Variants in CMSS1 observed in about 807,000 individuals in gnomAD.
CMSS1 encodes protein CMSS1.
CMSS1 carries 33 observed loss-of-function variants against 43.5 expected under a neutral mutation model. The observed-to-expected ratio is 0.76, with a 90% CI of 0.57 to 1.01. The LOEUF (loss-of-function observed/expected upper bound fraction) is 1.01. CMSS1 is among the 50% of genes least tolerant of loss of function. CMSS1 has a pLI of 0.00. For synonymous variants in CMSS1, 115 were observed against 117.2 expected (o/e 0.98, Z 0.12); for missense variants, 313 against 326.4 (o/e 0.96, Z 0.32).
At chr3:100,153,852 T>C (rs1480321703) in intron 2 of CMSS1, among the ~76,000 whole-genome samples, 1 of 151,864 alleles carries the variant, frequency 6.6e-6, no homozygotes, top group Non-Finnish European at 1.5e-5. Context: ...TTTTTTCTTT[T>C]TTTTTTCTTT....
At chr3:100,136,680 G>C (rs1239843255) in intron 1 of CMSS1, among the ~76,000 whole-genome samples, 1 of 152,198 alleles carries the variant, frequency 6.6e-6, no homozygotes, top group Non-Finnish European at 1.5e-5. Flanking sequence ...GGTTTAGAGG[G>C]TAGGGGTGAG....
intron 1 of CMSS1, among the ~76,000 whole-genome samples, chr3:100,010,762 G>A (rs887434925): frequency 1.0e-4 from 15 of 147,900 alleles, no homozygotes; most frequent in Non-Finnish European, 1.9e-4. Flanking sequence ...TTACAGGTGC[G>A]CGCCTCCACG....
At chr3:100,165,327 T>C (rs2067057276) in intron 4 of CMSS1, among the ~76,000 whole-genome samples, 1 of 152,170 alleles carries the variant, frequency 6.6e-6, no homozygotes, top group Non-Finnish European at 1.5e-5. Flanking sequence ...TTTTAATGTG[T>C]TATATTGTTT....
At chr3:100,152,170 G>A (rs927307751) in intron 2 of CMSS1, among the ~76,000 whole-genome samples, 2 of 151,710 alleles carry the variant, frequency 1.3e-5, no homozygotes, top group Non-Finnish European at 2.9e-5. Context: ...CTCTGCCCTT[G>A]GGGCTTTGTT....
chr3:99,931,860 A>T (rs1223445497), intron 1 of CMSS1, among the ~76,000 whole-genome samples: 1 of 152,218 alleles, frequency 6.6e-6, no homozygotes, highest in African/African-American at 2.4e-5. Flanking sequence ...TCCACTGTTG[A>T]GGTTTATAAC....
At chr3:99,874,792 T>G (rs907122434) in intron 1 of CMSS1, among the ~76,000 whole-genome samples, 1 of 152,212 alleles carries the variant, frequency 6.6e-6, no homozygotes, top group African/African-American at 2.4e-5. Context: ...GATCTGACAT[T>G]TTCTTCTGAC....
At chr3:99,983,621 C>T (rs371504094) in intron 1 of CMSS1, among the ~76,000 whole-genome samples, 6 of 144,752 alleles carry the variant, frequency 4.1e-5, no homozygotes, top group South Asian at 2.2e-4. Context: ...ACCGGGGAGG[C>T]GGAGGTTGCC....
intron 1 of CMSS1, among the ~76,000 whole-genome samples, chr3:99,948,698 GAGAA>G (rs1708087169): frequency 1.3e-5 from 2 of 148,730 alleles, no homozygotes; most frequent in African/African-American, 2.5e-5. Context: ...AGAAAGGAGA[GAGAA>G]AGGGAGAGGA....
chr3:99,883,843 C>T (rs897861993), intron 1 of CMSS1, among the ~76,000 whole-genome samples: 1 of 152,152 alleles, frequency 6.6e-6, no homozygotes, highest in Non-Finnish European at 1.5e-5. Flanking sequence ...AACTGAGGAA[C>T]AGAGAGGTTA....
At chr3:99,958,558 C>T (rs998281331) in intron 1 of CMSS1, among the ~76,000 whole-genome samples, 16 of 152,076 alleles carry the variant, frequency 1.1e-4, no homozygotes, top group South Asian at 2.1e-4. Flanking sequence ...AGGAATTCCA[C>T]GGGGAAATGG....
intron 1 of CMSS1, among the ~76,000 whole-genome samples, chr3:99,885,892 A>G (rs1258496055): frequency 1.3e-5 from 2 of 152,198 alleles, no homozygotes; most frequent in African/African-American, 4.8e-5. Flanking sequence ...TGGGGAATCT[A>G]TTTCCCAAAG....
intron 1 of CMSS1, among the ~76,000 whole-genome samples, chr3:99,870,057 T>A (rs1329742359): frequency 6.6e-6 from 1 of 152,230 alleles, no homozygotes; most frequent in Non-Finnish European, 1.5e-5. Flanking sequence ...AGTGATATAA[T>A]CAGTAGCTTT....
chr3:100,077,520 G>A (rs1470905659), intron 1 of CMSS1, among the ~76,000 whole-genome samples: 2 of 152,216 alleles, frequency 1.3e-5, no homozygotes, highest in African/African-American at 2.4e-5. Context: ...TTAAGGAAAT[G>A]GAGAGGGGAG....
intron 1 of CMSS1, among the ~76,000 whole-genome samples, chr3:100,004,762 C>T (rs1429930320): frequency 2.6e-5 from 4 of 152,120 alleles, no homozygotes; most frequent in African/African-American, 9.7e-5. Flanking sequence ...AGTGGAAGCA[C>T]GTAATGTCAT....
intron 1 of CMSS1, among the ~76,000 whole-genome samples, chr3:99,971,108 C>T (rs554283365): frequency 1.3e-5 from 2 of 152,188 alleles, no homozygotes; most frequent in East Asian, 1.9e-4. Context: ...GAGGCCAAGG[C>T]GGGCGGATCA....
chr3:99,875,532 A>T (rs902056161), intron 1 of CMSS1, among the ~76,000 whole-genome samples: 3 of 152,216 alleles, frequency 2.0e-5, no homozygotes, highest in African/African-American at 7.2e-5. Flanking sequence ...TAGCGTTTGT[A>T]CGATTTTTTG....
In CMSS1 at chr3:100,098,043, A is replaced by G. The variant is rs2066241549; in HGVS notation, c.65-48930A>G. On this transcript the variant is annotated intron_variant, in intron 1 of 9. Coordinates refer to ENST00000421999, the MANE Select transcript of CMSS1 (RefSeq NM_032359.4). Reference sequence around the variant, plus strand: ...TGCCACATTGCTATTTGAAAAATCTAGTAAAACAAGAATAGCAACAAGATC... The same window carrying G: ...TGCCACATTGCTATTTGAAAAATCTGGTAAAACAAGAATAGCAACAAGATC... Among the ~76,000 whole-genome samples, 5 of 152,256 alleles carry G rather than the reference A, an allele frequency of 3.3e-5. No individual in the cohort carries two copies. The South Asian group carries it at 1.0e-3, about 31-fold the overall frequency.
chr3:99,941,061 C>G (rs560006251), intron 1 of CMSS1, among the ~76,000 whole-genome samples: 37 of 152,350 alleles, frequency 2.4e-4, no homozygotes, highest in African/African-American at 8.2e-4. Context: ...TAACTTCTTG[C>G]CTCTGAAGCA....
At chr3:100,159,613 A>G (rs527320389) in intron 2 of CMSS1, among the ~76,000 whole-genome samples, 2 of 152,316 alleles carry the variant, frequency 1.3e-5, no homozygotes, top group South Asian at 2.1e-4. Context: ...TTGTTTGACA[A>G]TGTTGCATAA....
Sources: gnomAD v4.1 joint callset for allele counts (sites outside exome capture counted in the v4.1 genomes callset) on GRCh38, gnomAD v4.1.1 for gene constraint, MANE v1.5 for transcripts, NCBI Gene and HGNC (gene_info 2026-07-23, HGNC 2026-07-21) for gene names.